Variants in PSMG4 observed in about 807,000 individuals in gnomAD.
PSMG4 encodes proteasome assembly chaperone 4, also known as proteasome (prosome, macropain) assembly chaperone 4.
In PSMG4, 10 loss-of-function variants were observed where a neutral mutation model predicts 11.0. The observed-to-expected ratio is 0.91, with a 90% CI of 0.56 to 1.54. PSMG4 has a LOEUF of 1.54. PSMG4 is among the 40% of genes most tolerant of loss of function. The pLI is 0.00. For synonymous variants in PSMG4, 95 were observed against 71.3 expected (o/e 1.33, Z -1.68); for missense variants, 198 against 160.9 (o/e 1.23, Z -1.25).
upstream of PSMG4, among the ~76,000 whole-genome samples, chr6:3,255,646 C>T (rs970696689): frequency 2.0e-5 from 3 of 152,196 alleles, no homozygotes; most frequent in African/African-American, 7.2e-5. Flanking sequence ...CGCCCACAGA[C>T]AAACGAGTCC....
At chr6:3,261,751 C>T (rs575926113) in intron 1 of PSMG4, among the ~76,000 whole-genome samples, 605 of 152,212 alleles carry the variant, frequency 4.0e-3, no homozygotes, top group Non-Finnish European at 7.0e-3. Flanking sequence ...ACCCGTGGGG[C>T]GGCCCTCCAT....
upstream of PSMG4, among the ~76,000 whole-genome samples, chr6:3,254,614 G>A (rs889343144): frequency 1.3e-5 from 2 of 152,138 alleles, no homozygotes; most frequent in African/African-American, 4.8e-5. Flanking sequence ...AGTAGGCGTA[G>A]CTTTAAGAGG....
upstream of PSMG4, among the ~76,000 whole-genome samples, chr6:3,257,198 A>G (rs1047918454): frequency 7.2e-5 from 11 of 152,160 alleles, no homozygotes; most frequent in Admixed American, 3.9e-4. Flanking sequence ...GGGTCAGCTC[A>G]GGGTTTGGGG....
At chr6:3,260,261 A>C (rs1407841391) in intron 1 of PSMG4, among the ~76,000 whole-genome samples, 7 of 138,040 alleles carry the variant, frequency 5.1e-5, no homozygotes, top group African/African-American at 1.9e-4. Flanking sequence ...ACTCCAGTAT[A>C]ACCTTGTCTT....
chr6:3,256,543 T>C (rs548792611), upstream of PSMG4, among the ~76,000 whole-genome samples: 219 of 152,348 alleles, frequency 1.4e-3, 1 homozygote, highest in Non-Finnish European at 2.8e-3. Context: ...TTACGGCACA[T>C]GGTGGTGCCG....
chr6:3,261,362 T>G (rs1245316112), intron 1 of PSMG4, among the ~76,000 whole-genome samples: 1 of 152,116 alleles, frequency 6.6e-6, no homozygotes, highest in East Asian at 1.9e-4. Context: ...CATTCTCTCT[T>G]TATCCCAAGG....
intron 1 of PSMG4, among the ~76,000 whole-genome samples, chr6:3,262,507 T>TC (rs1314307399): frequency 6.6e-5 from 10 of 152,304 alleles, no homozygotes; most frequent in African/African-American, 1.9e-4. Context: ...TGTTTTTTGA[T>TC]CTCCTGCCTT....
At chr6:3,254,680 A>G (rs1002315822), upstream of PSMG4, among the ~76,000 whole-genome samples, 3 of 152,190 alleles carry the variant, frequency 2.0e-5, no homozygotes, top group Non-Finnish European at 4.4e-5. Context: ...CGAAACCACT[A>G]AACTCAACAG....
intron 1 of PSMG4, 23 bp from the exon 2 acceptor site, chr6:3,263,661 T>C: frequency 1.3e-6 from 2 of 1,521,998 alleles, no homozygotes; most frequent in Non-Finnish European, 8.8e-7. Flanking sequence ...GAAGCTGCAG[T>C]GTGCCCTTTG....
upstream of PSMG4, among the ~76,000 whole-genome samples, chr6:3,254,868 A>G (rs1038282659): frequency 6.6e-6 from 1 of 152,148 alleles, no homozygotes; most frequent in African/African-American, 2.4e-5. Context: ...TGAACATGAG[A>G]TGCTGGAGGG....
intron 1 of PSMG4, 111 bp from the exon 2 acceptor site, chr6:3,263,573 T>G: frequency 1.0e-6 from 1 of 953,146 alleles, no homozygotes; most frequent in South Asian, 1.8e-5. Context: ...GCCTGTCCTC[T>G]CTGAACCTGC....
At chr6:3,254,737 CCT>C (rs914562242), upstream of PSMG4, among the ~76,000 whole-genome samples, 26 of 152,202 alleles carry the variant, frequency 1.7e-4, no homozygotes, top group East Asian at 3.9e-4. Context: ...ACAAACTCCC[CCT>C]GTGCCTCTTT....
At chr6:3,255,172 C>T (rs773741238), upstream of PSMG4, 11 of 1,549,650 alleles carry the variant, frequency 7.1e-6, no homozygotes, top group South Asian at 3.6e-5. Flanking sequence ...TGACGGCTTA[C>T]ATGTGCGCTC....
At chr6:3,257,307 CTG>C (rs745557241), upstream of PSMG4, among the ~76,000 whole-genome samples, 7 of 152,278 alleles carry the variant, frequency 4.6e-5, no homozygotes, top group East Asian at 7.7e-4. Flanking sequence ...GACCCTCTGC[CTG>C]TGTGTTTCCC....
At chr6:3,262,906 C>T (rs957992073) in intron 1 of PSMG4, among the ~76,000 whole-genome samples, 1 of 151,744 alleles carries the variant, frequency 6.6e-6, no homozygotes, top group African/African-American at 2.4e-5. Flanking sequence ...TCTCAAACTC[C>T]TGGTCTCAAG....
chr6:3,254,800 A>AT (rs2127250929), upstream of PSMG4, among the ~76,000 whole-genome samples: 1 of 149,236 alleles, frequency 6.7e-6, no homozygotes, highest in Admixed American at 6.6e-5. Flanking sequence ...TTGGGGTCAG[A>AT]GCAACAAGAC....
upstream of PSMG4, among the ~76,000 whole-genome samples, chr6:3,255,723 T>G (rs1374179976): frequency 1.3e-5 from 2 of 152,222 alleles, no homozygotes; most frequent in Non-Finnish European, 2.9e-5. Flanking sequence ...GAAGGGGTAT[T>G]GGTAAAACAG....
At chr6:3,255,358 T>C (rs2127252248), upstream of PSMG4, 1 of 1,443,240 alleles carries the variant, frequency 6.9e-7, no homozygotes, top group South Asian at 1.5e-5. Flanking sequence ...GTTGCTTAAT[T>C]TTTCCTGTGG....
chr6:3,255,033 T>G (rs1447380455), upstream of PSMG4: 32 of 1,549,684 alleles, frequency 2.1e-5, no homozygotes, highest in East Asian at 7.8e-4. Context: ...TAATGGCGCT[T>G]TCTGATTCTC....
Sources: gnomAD v4.1 joint callset for allele counts (sites outside exome capture counted in the v4.1 genomes callset) on GRCh38, gnomAD v4.1.1 for gene constraint, MANE v1.5 for transcripts, NCBI Gene and HGNC (gene_info 2026-07-23, HGNC 2026-07-21) for gene names.